Variants in CSRNP3 observed in about 807,000 individuals in gnomAD.
CSRNP3 encodes cysteine/serine-rich nuclear protein 3.
In CSRNP3, 12 loss-of-function variants were observed where a neutral mutation model predicts 48.0. The observed-to-expected ratio is 0.25, with a 90% CI of 0.16 to 0.41. The LOEUF (loss-of-function observed/expected upper bound fraction) is 0.41, where lower values mean the gene tolerates loss of function less well. Among genes scored for constraint, CSRNP3 ranks in the 10% least tolerant of loss-of-function variants. The probability of loss-of-function intolerance (pLI) is 1.00; values close to 1 mark genes in which losing one functional copy is unlikely to be tolerated. For synonymous variants in CSRNP3, 263 were observed against 269.7 expected (o/e 0.98, Z 0.24); for missense variants, 580 against 724.4 (o/e 0.80, Z 2.29).
rs1296546336 is a variant in CSRNP3, at chr2:165,679,042, G to T, written c.1047G>T (p.Gly349=). ...QGEEEEEEED[G]SSFCSGVTDS... ...AGGAGGAGGAAGAAGAGGAGGATGG[G>T]AGCAGCTTTTGCAGCGGAGTCACAG... Residue 349 remains glycine, a synonymous_variant, in exon 7 of 7, where the codon GGG becomes GGT. Transcript: ENST00000651982. 1 of 1,613,956 alleles carries T rather than the reference G, an allele frequency of 6.2e-7. No individual in the cohort carries two copies. The highest frequency in any genetic ancestry group is 2.2e-5 in the East Asian group (1 of 44,812).
intron 5 of CSRNP3, among the ~76,000 whole-genome samples, chr2:165,663,953 G>A (rs1444952697): frequency 6.6e-6 from 1 of 152,066 alleles, no homozygotes; most frequent in Admixed American, 6.6e-5. Context: ...TCAGAGGGTA[G>A]GAGAAAAAAA....
intron 3 of CSRNP3, among the ~76,000 whole-genome samples, chr2:165,593,346 T>G (rs896635784): frequency 2.6e-5 from 4 of 152,172 alleles, no homozygotes; most frequent in African/African-American, 9.7e-5. Flanking sequence ...CAAGTGATCC[T>G]CAATTTTGAG....
chr2:165,526,797 A>G (rs1455727265), intron 3 of CSRNP3, among the ~76,000 whole-genome samples: 1 of 152,176 alleles, frequency 6.6e-6, no homozygotes, highest in Non-Finnish European at 1.5e-5. Context: ...ATGTGGAGAA[A>G]TGGACCATAT....
chr2:165,635,584 C>T (rs1271809272), intron 4 of CSRNP3, among the ~76,000 whole-genome samples: 1 of 152,120 alleles, frequency 6.6e-6, no homozygotes, highest in Non-Finnish European at 1.5e-5. Context: ...TTCATGCACA[C>T]AGGACAAATA....
At chr2:165,548,989 TA>T in intron 3 of CSRNP3, among the ~76,000 whole-genome samples, 1 of 147,358 alleles carries the variant, frequency 6.8e-6, no homozygotes, top group South Asian at 2.2e-4. Context: ...TTTTTTTTTT[TA>T]ATTGTTTTTC....
chr2:165,519,830 G>C (rs900540713), intron 3 of CSRNP3, among the ~76,000 whole-genome samples: 58 of 152,124 alleles, frequency 3.8e-4, no homozygotes, highest in African/African-American at 1.3e-3. Flanking sequence ...AAGTACCATG[G>C]AGAAAAGGGA....
chr2:165,580,212 T>G (rs1055427996), intron 3 of CSRNP3, among the ~76,000 whole-genome samples: 1 of 152,164 alleles, frequency 6.6e-6, no homozygotes, highest in Non-Finnish European at 1.5e-5. Context: ...AGGGTGAATC[T>G]CCTCTAAACA....
In CSRNP3 at chr2:165,637,552, T is replaced by C. The variant is rs1686651299; in HGVS notation, c.149-20209T>C. ...ATGACCATTACTGAGTGGTTTCTGC[T>C]CTGCAACATACTTTATGGATCTCTA... On this transcript the variant is annotated intron_variant, in intron 4 of 6. Transcript: ENST00000651982. 2.0e-5 allele frequency among the ~76,000 whole-genome samples: 3 copies of C among 152,226 alleles called. No individual in the cohort carries two copies. The South Asian group carries it at 6.2e-4, about 31-fold the overall frequency.
intron 3 of CSRNP3, among the ~76,000 whole-genome samples, chr2:165,529,882 G>A (rs1684789081): frequency 6.6e-6 from 1 of 152,200 alleles, no homozygotes; most frequent in African/African-American, 2.4e-5. Flanking sequence ...TGGATTAGGA[G>A]AGAAAATTAT....
chr2:165,616,230 G>A (rs1686240566), intron 4 of CSRNP3, among the ~76,000 whole-genome samples: 1 of 152,012 alleles, frequency 6.6e-6, no homozygotes. Context: ...GTTTTTGATT[G>A]TTTTGTGTAT....
rs1687481691 is a variant in CSRNP3 at position 165,679,136 on chromosome 2, G to A, written c.1141G>A (p.Glu381Lys). The A allele has an allele frequency of 6.2e-7, 1 of 1,613,800 alleles. No homozygotes were observed. The highest frequency in any genetic ancestry group is 1.3e-5 in the African/African-American group (1 of 74,900). Reference protein sequence around the residue: ...EEEEEEEEEEEEEDDDDDKGD... With the variant: ...EEEEEEEEEEKEEDDDDDKGD... Reference sequence around the variant, plus strand: ...GGAGGAGGAAGAAGAAGAGGAAGAGGAGGAGGAGGATGACGATGATGACAA... The same window carrying A: ...GGAGGAGGAAGAAGAAGAGGAAGAGAAGGAGGAGGATGACGATGATGACAA... Residue 381 changes from glutamate to lysine, a missense_variant, in exon 7 of 7, where the codon GAG (glutamate) becomes AAG (lysine). Physicochemically the swap from Glu to Lys is moderately conservative, Grantham distance 56. This residue lies in a region of CSRNP3 where 369 missense variants were observed against 380.8 expected (regional missense o/e 0.97). Coordinates refer to ENST00000651982, the MANE Select transcript of CSRNP3 (RefSeq NM_001172173.2).
intron 2 of CSRNP3, among the ~76,000 whole-genome samples, chr2:165,513,387 T>C (rs142305528): frequency 6.6e-6 from 1 of 152,042 alleles, no homozygotes; most frequent in African/African-American, 2.4e-5. Flanking sequence ...CGTATTTGGG[T>C]TGTGATGTGT....
chr2:165,649,839 G>GTAAA (rs1333176317), intron 4 of CSRNP3, among the ~76,000 whole-genome samples: 2 of 152,136 alleles, frequency 1.3e-5, no homozygotes, highest in African/African-American at 4.8e-5. Context: ...TTTACTGCCT[G>GTAAA]TGTTTCAGTT....
chr2:165,516,879 A>T (rs1226349658), intron 2 of CSRNP3, among the ~76,000 whole-genome samples: 1 of 152,032 alleles, frequency 6.6e-6, no homozygotes, highest in African/African-American at 2.4e-5. Flanking sequence ...CCTGAGACAA[A>T]TTTTTTTCTT....
intron 4 of CSRNP3, among the ~76,000 whole-genome samples, chr2:165,637,274 G>A (rs777010287): frequency 5.3e-5 from 8 of 152,200 alleles, no homozygotes; most frequent in Admixed American, 1.3e-4. Flanking sequence ...GAAATGGAAC[G>A]TGAATCCAAA....
intron 3 of CSRNP3, among the ~76,000 whole-genome samples, chr2:165,531,897 AAC>A (rs1335431927): frequency 1.3e-5 from 2 of 152,188 alleles, no homozygotes; most frequent in Non-Finnish European, 2.9e-5. Context: ...ATCCCACAGA[AAC>A]ACAAACTACC....
Position 165,685,403 on chromosome 2 carries a change from G to C in CSRNP3, c.*5650G>C, listed in dbSNP as rs555195307. The C allele has an allele frequency of 2.0e-5, 3 of 152,158 alleles. No individual in the cohort carries two copies. In the East Asian group the frequency reaches 5.8e-4, roughly 29 times the overall value. 9.4% of individuals were successfully genotyped at this position (152,158 alleles called of 1,614,324 possible). On this transcript the variant is annotated 3_prime_UTR_variant, in exon 7 of 7. Transcript: ENST00000651982. ...AGTTCTCAGGCTAGTCTAAGTCTGT[G>C]CTGTCTTGGCATGCCTTGGGTTTCC...
intron 4 of CSRNP3, among the ~76,000 whole-genome samples, chr2:165,631,996 G>C (rs1387738279): frequency 6.6e-6 from 1 of 152,200 alleles, no homozygotes. Flanking sequence ...TTAATATTTA[G>C]AGCATCAACC....
intron 1 of CSRNP3, among the ~76,000 whole-genome samples, chr2:165,479,689 C>T (rs773570849): frequency 1.8e-4 from 27 of 151,858 alleles, no homozygotes; most frequent in Admixed American, 8.5e-4. Flanking sequence ...GTTCAAGATG[C>T]GCCTGGGCAA....
Sources: gnomAD v4.1 joint callset for allele counts (sites outside exome capture counted in the v4.1 genomes callset) on GRCh38, gnomAD v4.1.1 for gene constraint, gnomAD v4.1.1 regional missense constraint, MANE v1.5 for transcripts, NCBI Gene and HGNC (gene_info 2026-07-23, HGNC 2026-07-21) for gene names.